The following DMD variants were observed in gnomAD, a reference collection of about 807,000 sequenced individuals.
DMD encodes the protein mutant dystrophin.
DMD carries 63 observed loss-of-function variants against 330.1 expected under a neutral mutation model. The observed-to-expected ratio is 0.19, with a 90% CI of 0.16 to 0.24. DMD has a LOEUF of 0.24. Ranked by LOEUF, DMD falls within the 10% of genes least tolerant of loss-of-function variation. The probability of loss-of-function intolerance (pLI) is 1.00; values close to 1 mark genes in which losing one functional copy is unlikely to be tolerated. For missense variants in DMD, 3,344 were observed against 2,684.1 expected, an observed-to-expected ratio of 1.25 and a Z score of -5.43; for synonymous variants, 1,223 against 959.8, an observed-to-expected ratio of 1.27 and a Z score of -5.07.
At chrX:32,069,009 C>A (rs1737797097) in intron 44 of DMD, among the ~76,000 whole-genome samples, 1 of 111,786 alleles carries the variant, frequency 8.9e-6, no homozygotes, top group African/African-American at 3.2e-5. Context: ...AGTCATAGCC[C>A]AATCCTTATC....
chrX:31,157,491 A>AGTCCT (rs2038282228), intron 74 of DMD, among the ~76,000 whole-genome samples: 1 of 112,180 alleles, frequency 8.9e-6, no homozygotes, highest in African/African-American at 3.2e-5. Flanking sequence ...TTAGAGGTGA[A>AGTCCT]GAACTCTAGT....
At chrX:33,163,552 G>GTA (rs781153726) in intron 1 of DMD, among the ~76,000 whole-genome samples, 5,972 of 90,861 alleles carry the variant, frequency 0.066, 177 homozygotes, top group Middle Eastern at 0.1. Flanking sequence ...ATATATGTGT[G>GTA]TATATATATA....
intron 59 of DMD, among the ~76,000 whole-genome samples, chrX:31,462,597 C>A (rs1569544698): frequency 8.9e-6 from 1 of 112,022 alleles, no homozygotes; most frequent in Non-Finnish European, 1.9e-5. Context: ...TGGGCTCTTT[C>A]TTCTCCTGTA....
At chrX:31,899,950 T>C (rs978744195) in intron 47 of DMD, among the ~76,000 whole-genome samples, 37 of 111,682 alleles carry the variant, frequency 3.3e-4, no homozygotes, top group African/African-American at 1.1e-3. Flanking sequence ...CTTCTCTTTT[T>C]AACATTTTGT....
intron 2 of DMD, among the ~76,000 whole-genome samples, chrX:32,932,467 T>G (rs1367996580): frequency 1.8e-5 from 2 of 111,914 alleles, no homozygotes; most frequent in East Asian, 5.6e-4. Flanking sequence ...ACATTTTCCA[T>G]CTATGGGGTA....
chrX:32,656,101 T>C (rs953003844), intron 9 of DMD, among the ~76,000 whole-genome samples: 6 of 112,248 alleles, frequency 5.3e-5, no homozygotes, highest in African/African-American at 1.6e-4. Context: ...TTTGGCTATC[T>C]AGAAATGTCA....
chrX:32,606,032 G>T (rs773528150), intron 12 of DMD, among the ~76,000 whole-genome samples: 1 of 110,374 alleles, frequency 9.1e-6, no homozygotes, highest in Non-Finnish European at 1.9e-5. Flanking sequence ...TGTCTTACAA[G>T]CAACCTAATT....
At chrX:33,300,676 G>T (rs1248222976) in intron 1 of DMD, among the ~76,000 whole-genome samples, 1 of 111,615 alleles carries the variant, frequency 9.0e-6, no homozygotes, top group Non-Finnish European at 1.9e-5. Context: ...GAAGCTCAGT[G>T]AGCGTGCCTG....
At chrX:31,594,856 C>A (rs949170660) in intron 55 of DMD, among the ~76,000 whole-genome samples, 1 of 110,769 alleles carries the variant, frequency 9.0e-6, no homozygotes, top group Non-Finnish European at 1.9e-5. Flanking sequence ...TGAAACTATA[C>A]CCCCTTTCAC....
intron 51 of DMD, among the ~76,000 whole-genome samples, chrX:31,761,042 C>T (rs1569361706): frequency 9.5e-6 from 1 of 105,798 alleles, no homozygotes; most frequent in Non-Finnish European, 1.9e-5. Context: ...CCCACCACCA[C>T]GCCTGGCTAA....
chrX:32,468,461 A>G, intron 23 of DMD, 37 bp downstream of exon 23: 1 of 1,121,491 alleles, frequency 8.9e-7, no homozygotes, highest in Non-Finnish European at 1.2e-6. Flanking sequence ...AAAACAAGTA[A>G]ATAAAAATGA....
At position 31,395,595 on chromosome X, in the gene DMD, AT is replaced by A. The variant is rs757185711; in HGVS notation, c.9085-46962del. Among the ~76,000 whole-genome samples, 15 of 112,268 alleles carry A rather than the reference AT, an allele frequency of 1.3e-4. 1 individual carries two copies. The South Asian group carries it at 5.6e-3, about 42-fold the overall frequency. The stretch of plus-strand genomic sequence containing the variant: ...GTCTTTCAAAAAAGGTTTCTGGGAA[AT>A]TTTTGGCTTTATAAAAATGATAAGA... On this transcript the variant is annotated intron_variant, in intron 60 of 78. Transcript: ENST00000357033.
intron 5 of DMD, among the ~76,000 whole-genome samples, chrX:32,817,895 G>C (rs997353586): frequency 2.0e-4 from 22 of 111,665 alleles, no homozygotes; most frequent in African/African-American, 4.9e-4. Flanking sequence ...ACACAGTAAC[G>C]ATTCGGAGAT....
At chrX:31,490,018 G>A (rs1301229395) in intron 57 of DMD, among the ~76,000 whole-genome samples, 1 of 111,762 alleles carries the variant, frequency 8.9e-6, no homozygotes, top group Non-Finnish European at 1.9e-5. Context: ...CTAGTTTTCA[G>A]AAGACTTAGA....
At chrX:32,477,902 T>C (rs149969942) in intron 21 of DMD, among the ~76,000 whole-genome samples, 3 of 111,479 alleles carry the variant, frequency 2.7e-5, no homozygotes, top group South Asian at 7.3e-4. Flanking sequence ...TGAGATGTTT[T>C]GTATATATAA....
At chrX:32,705,531 A>C (rs1483915749) in intron 7 of DMD, among the ~76,000 whole-genome samples, 1 of 111,995 alleles carries the variant, frequency 8.9e-6, no homozygotes, top group Admixed American at 9.6e-5. Flanking sequence ...ACAGTGGCTC[A>C]GGCTGGGCGC....
chrX:31,198,737 C>A (rs1028609196), intron 67 of DMD, among the ~76,000 whole-genome samples: 3 of 111,818 alleles, frequency 2.7e-5, no homozygotes, highest in African/African-American at 9.8e-5. Context: ...TATGGGACCA[C>A]CATAGTATAT....
chrX:32,382,797 C>A (rs770698587), intron 33 of DMD, among the ~76,000 whole-genome samples: 2 of 110,293 alleles, frequency 1.8e-5, no homozygotes, highest in African/African-American at 6.6e-5. Context: ...TCTATCTTCC[C>A]AGAGCTAATG....
chrX:31,558,601 CA>C (rs1225526353), intron 55 of DMD, among the ~76,000 whole-genome samples: 1 of 109,976 alleles, frequency 9.1e-6, no homozygotes, highest in Non-Finnish European at 1.9e-5. Context: ...AATCTGTGCA[CA>C]AAAGAAAGAA....
Sources: gnomAD v4.1 joint callset for allele counts (sites outside exome capture counted in the v4.1 genomes callset) on GRCh38, gnomAD v4.1.1 for gene constraint, MANE v1.5 for transcripts, NCBI Gene and HGNC (gene_info 2026-07-23, HGNC 2026-07-21) for gene names.